The following SNTG2 variants were observed in gnomAD, a reference collection of about 807,000 sequenced individuals.
SNTG2 encodes the protein syntrophin gamma 2.
Under a neutral mutation model 70.9 loss-of-function variants are expected in SNTG2, and 74 were observed. The ratio of observed to expected loss-of-function variants is 1.04; its 90% CI spans 0.86 to 1.27. SNTG2 has a LOEUF of 1.27. SNTG2 is among the 50% of genes most tolerant of loss of function. The pLI is 0.00. For synonymous variants in SNTG2, 278 were observed against 273.8 expected (o/e 1.02, Z -0.15); for missense variants, 717 against 690.7 (o/e 1.04, Z -0.43).
At chr2:1,154,656 C>T (rs1230171708) in intron 6 of SNTG2, among the ~76,000 whole-genome samples, 2 of 152,038 alleles carry the variant, frequency 1.3e-5, no homozygotes, top group African/African-American at 2.4e-5. Context: ...CAAATACCAC[C>T]GCATGTCTAA....
At position 1,083,653 on chromosome 2, in the gene SNTG2, A is replaced by C; in HGVS notation, c.208A>C (p.Asn70His). Residue 70 changes from asparagine to histidine, a missense_variant and splice_region_variant, in exon 2 of 17, where the codon AAT becomes CAT. Coordinates refer to ENST00000308624, the MANE Select transcript of SNTG2 (RefSeq NM_018968.4). ...TGTGGGCGGAAGCCACCAGGGCAGG[A>C]ATGTAAGTGCCATCACTTCAGGGAA... ...VCVGGSHQGR[N>H]RRTVTLRRQP... 6.2e-7 allele frequency: 1 copy of C among 1,613,780 alleles called. No homozygotes were observed. Among genetic ancestry groups the C allele is most frequent in the Non-Finnish European group, 8.5e-7 (1 of 1,179,704 alleles).
At chr2:1,000,244 C>T (rs1355044263) in intron 1 of SNTG2, among the ~76,000 whole-genome samples, 2 of 151,414 alleles carry the variant, frequency 1.3e-5, no homozygotes, top group African/African-American at 4.8e-5. Flanking sequence ...AAGAACAAAC[C>T]AAACCCAAAG....
chr2:1,083,329 A>G (rs1191529831), intron 1 of SNTG2, among the ~76,000 whole-genome samples, 189 bp from the exon 2 acceptor site: 3 of 151,842 alleles, frequency 2.0e-5, no homozygotes, highest in Admixed American at 6.6e-5. Flanking sequence ...CTCAGGAACA[A>G]TTATTCAACA....
chr2:1,129,096 T>C (rs1433423707), intron 4 of SNTG2, among the ~76,000 whole-genome samples: 2 of 152,186 alleles, frequency 1.3e-5, no homozygotes, highest in African/African-American at 2.4e-5. Context: ...ATGCAGGCCA[T>C]TTTCAGAAAG....
At chr2:1,111,587 G>A (rs1445587700) in intron 4 of SNTG2, among the ~76,000 whole-genome samples, 2 of 152,152 alleles carry the variant, frequency 1.3e-5, no homozygotes, top group Non-Finnish European at 2.9e-5. Context: ...TCCACCAAAG[G>A]GGACCTTCCT....
chr2:992,790 C>A (rs1033900569), intron 1 of SNTG2, among the ~76,000 whole-genome samples: 1 of 152,182 alleles, frequency 6.6e-6, no homozygotes, highest in Non-Finnish European at 1.5e-5. Context: ...ATTCCCAAAG[C>A]TGTCTTATTC....
chr2:1,198,212 A>G (rs1673049552), intron 8 of SNTG2, among the ~76,000 whole-genome samples: 1 of 152,252 alleles, frequency 6.6e-6, no homozygotes, highest in South Asian at 2.1e-4. Context: ...AACTATACCT[A>G]TATAAATATA....
chr2:983,741 T>A (rs1482917949), intron 1 of SNTG2, among the ~76,000 whole-genome samples: 1 of 152,128 alleles, frequency 6.6e-6, no homozygotes, highest in Admixed American at 6.5e-5. Context: ...TTCTTAGAAA[T>A]TGGTCCAGAA....
intron 14 of SNTG2, among the ~76,000 whole-genome samples, chr2:1,301,643 C>T (rs958930423): frequency 1.1e-4 from 17 of 152,082 alleles, no homozygotes; most frequent in African/African-American, 3.6e-4. Context: ...ATTATAGTGG[C>T]GTTCTCATCA....
At chr2:1,259,247 T>G in intron 12 of SNTG2, 123 bp from the exon 13 acceptor site, 2 of 777,124 alleles carry the variant, frequency 2.6e-6, no homozygotes, top group Non-Finnish European at 4.3e-6. Flanking sequence ...TACCAATTTA[T>G]ACTAATGGGG....
intron 11 of SNTG2, among the ~76,000 whole-genome samples, chr2:1,240,063 T>G (rs535596205): frequency 7.2e-5 from 11 of 152,354 alleles, no homozygotes; most frequent in African/African-American, 2.6e-4. Flanking sequence ...AATCGTGATT[T>G]AAATGATGAT....
At chr2:1,231,405 C>T (rs894003241) in intron 9 of SNTG2, among the ~76,000 whole-genome samples, 1 of 152,176 alleles carries the variant, frequency 6.6e-6, no homozygotes, top group African/African-American at 2.4e-5. Flanking sequence ...TGAGTGATGG[C>T]CTTTATTTAG....
chr2:1,075,188 C>T (rs1372534348), intron 1 of SNTG2, among the ~76,000 whole-genome samples: 2 of 152,164 alleles, frequency 1.3e-5, no homozygotes, highest in Non-Finnish European at 2.9e-5. Flanking sequence ...CACATGTGTG[C>T]ATGTTTTTAA....
At chr2:1,099,748 A>G (rs1190589349) in intron 4 of SNTG2, among the ~76,000 whole-genome samples, 2 of 143,868 alleles carry the variant, frequency 1.4e-5, no homozygotes, top group South Asian at 2.3e-4. Context: ...TGCTGCAGAG[A>G]TTGCCCCAGT....
At chr2:1,008,627 C>T (rs535383817) in intron 1 of SNTG2, among the ~76,000 whole-genome samples, 1 of 152,120 alleles carries the variant, frequency 6.6e-6, no homozygotes, top group Admixed American at 6.5e-5. Flanking sequence ...ATTACAGAAA[C>T]CTGTAATGTC....
At chr2:995,244 C>A (rs1245116342) in intron 1 of SNTG2, among the ~76,000 whole-genome samples, 3 of 151,888 alleles carry the variant, frequency 2.0e-5, no homozygotes, top group Non-Finnish European at 4.4e-5. Flanking sequence ...CTGTTTTATA[C>A]CTAGTTTGAT....
rs147778538 is a variant in SNTG2, at chr2:1,335,863, G to A, written c.1488+19488G>A. 4.1e-3 allele frequency among the ~76,000 whole-genome samples: 619 copies of A among 152,240 alleles called. 1 individual carries two copies. The highest frequency in any genetic ancestry group is 0.014 in the African/African-American group (575 of 41,544). ...AGATAGAAATGCAGCCTTCAAACCCGTCTTCTGGGTGTCCTTAGAGAGAGG... is the reference window on the plus strand; with the variant it reads ...AGATAGAAATGCAGCCTTCAAACCCATCTTCTGGGTGTCCTTAGAGAGAGG... On this transcript the variant is annotated intron_variant, in intron 16 of 16. Transcript: ENST00000308624.
intron 6 of SNTG2, among the ~76,000 whole-genome samples, chr2:1,144,480 C>T (rs1004148419): frequency 1.2e-4 from 18 of 152,042 alleles, no homozygotes; most frequent in African/African-American, 3.1e-4. Flanking sequence ...CACATTTTAA[C>T]GAATTTAAAG....
At chr2:1,174,296 A>G (rs1459539245) in intron 8 of SNTG2, among the ~76,000 whole-genome samples, 1 of 68,872 alleles carries the variant, frequency 1.5e-5, no homozygotes, top group Non-Finnish European at 2.9e-5. Flanking sequence ...ATCCATATAT[A>G]TATATATATA....
Sources: gnomAD v4.1 joint callset for allele counts (sites outside exome capture counted in the v4.1 genomes callset) on GRCh38, gnomAD v4.1.1 for gene constraint, MANE v1.5 for transcripts, NCBI Gene and HGNC (gene_info 2026-07-23, HGNC 2026-07-21) for gene names.